The following NDUFAF6 variants were observed in gnomAD, a reference collection of about 807,000 sequenced individuals.
NDUFAF6 encodes the protein NADH:ubiquinone oxidoreductase complex assembly factor 6, also known as NADH dehydrogenase (ubiquinone) complex I, assembly factor 6.
Under a neutral mutation model 40.8 loss-of-function variants are expected in NDUFAF6, and 45 were observed. That is an observed-to-expected ratio of 1.10 (90% CI 0.87 to 1.42). NDUFAF6 has a LOEUF of 1.42. Ranked by LOEUF, NDUFAF6 falls within the 40% of genes most tolerant of loss-of-function variation. The pLI is 0.00. For missense variants in NDUFAF6, 435 were observed against 418.5 expected (o/e 1.04, Z -0.34); for synonymous variants, 185 against 155.9 (o/e 1.19, Z -1.39).
intron 4 of NDUFAF6, among the ~76,000 whole-genome samples, chr8:95,112,016 T>C (rs917637136): frequency 4.6e-5 from 7 of 152,108 alleles, no homozygotes; most frequent in Non-Finnish European, 1.0e-4. Flanking sequence ...TGATTCCTAC[T>C]GTTCTTAGAA....
rs140757368 is a variant in NDUFAF6, at chr8:95,028,141, G to A, written c.197+2936G>A. Among the ~76,000 whole-genome samples the A allele has an allele frequency of 4.7e-4, 71 of 152,304 alleles. 1 individual carries two copies. Among genetic ancestry groups the A allele is most frequent in the African/African-American group, 1.6e-3 (66 of 41,556 alleles). Reference sequence around the variant, plus strand: ...TAACACACAACAATCCTAATACCCCGTGTGCTTGTTTCTTATATGTCTGTC... The same window carrying A: ...TAACACACAACAATCCTAATACCCCATGTGCTTGTTTCTTATATGTCTGTC... On this transcript the variant is annotated intron_variant, in intron 1 of 8. Coordinates refer to ENST00000396124, the MANE Select transcript of NDUFAF6 (RefSeq NM_152416.4).
chr8:94,985,501 ATATATATATATATATTTTTTTTTTT>A (rs1825793898), intron 2 of NDUFAF6, among the ~76,000 whole-genome samples: 1 of 7,698 alleles, frequency 1.3e-4, no homozygotes, highest in Non-Finnish European at 2.4e-4. Context: ...ATATATATAT[ATATATATATATATATTTTTTTTTTT>A]TTTTTTTTTT....
intron 2 of NDUFAF6, among the ~76,000 whole-genome samples, chr8:94,992,420 G>A (rs749255222): frequency 6.6e-6 from 1 of 152,108 alleles, no homozygotes; most frequent in African/African-American, 2.4e-5. Context: ...CTGGGAGGTG[G>A]AGGTTTTAGT....
At chr8:95,035,414 A>G (rs1021752995) in intron 2 of NDUFAF6, 40 bp from the exon 3 acceptor site, 13 of 1,609,698 alleles carry the variant, frequency 8.1e-6, no homozygotes, top group Non-Finnish European at 1.1e-5. Flanking sequence ...TTTAGACAGT[A>G]GACAATGCAT....
At chr8:95,092,959 G>T (rs937987768) in intron 2 of NDUFAF6, among the ~76,000 whole-genome samples, 2 of 152,132 alleles carry the variant, frequency 1.3e-5, no homozygotes, top group African/African-American at 4.8e-5. Context: ...AAATAAAACC[G>T]GTTTCTCTAC....
At chr8:95,063,849 C>A (rs1309118557) in intron 9 of NDUFAF6, among the ~76,000 whole-genome samples, 2 of 150,748 alleles carry the variant, frequency 1.3e-5, no homozygotes, top group African/African-American at 4.9e-5. Context: ...AGCTATTTTG[C>A]TATGTCCTAT....
At chr8:94,979,810 A>G (rs1403540051) in intron 1 of NDUFAF6, among the ~76,000 whole-genome samples, 1 of 152,228 alleles carries the variant, frequency 6.6e-6, no homozygotes, top group Admixed American at 6.5e-5. Flanking sequence ...ACAGGCCGGA[A>G]TGGGCTGGGC....
At chr8:95,034,063 A>G (rs1829188331) in intron 2 of NDUFAF6, 2 of 457,702 alleles carry the variant, frequency 4.4e-6, no homozygotes, top group Non-Finnish European at 8.8e-6. Flanking sequence ...TGAACACTAA[A>G]CATTGCTAAG....
At chr8:95,080,087 G>A (rs1232296061), downstream of NDUFAF6, among the ~76,000 whole-genome samples, 2 of 86,382 alleles carry the variant, frequency 2.3e-5, 1 homozygote, top group East Asian at 1.1e-3. Context: ...ATTTTTTGTA[G>A]TGATTTTTTG....
chr8:94,987,097 G>C (rs1825950457), intron 2 of NDUFAF6, among the ~76,000 whole-genome samples: 1 of 152,068 alleles, frequency 6.6e-6, no homozygotes, highest in African/African-American at 2.4e-5. Context: ...GCATTCCTTT[G>C]TCCCCCAGAA....
At chr8:95,071,403 GAAAAAAAAAAAA>G (rs10583999) in intron 9 of NDUFAF6, among the ~76,000 whole-genome samples, 1 of 105,490 alleles carries the variant, frequency 9.5e-6, no homozygotes, top group African/African-American at 3.7e-5. Context: ...GTCTCCAAAA[GAAAAAAAAAAAA>G]AAAAAAAAGC....
chr8:95,079,927 G>C (rs1017615641), downstream of NDUFAF6, among the ~76,000 whole-genome samples: 2 of 144,034 alleles, frequency 1.4e-5, no homozygotes, highest in Non-Finnish European at 3.0e-5. Context: ...ATTTTTTGTA[G>C]TGATTTTTGG....
chr8:95,111,632 G>A (rs1457938047), intron 4 of NDUFAF6, among the ~76,000 whole-genome samples: 2 of 152,114 alleles, frequency 1.3e-5, no homozygotes, highest in African/African-American at 2.4e-5. Context: ...CATTCCTCCA[G>A]GCACACACAC....
intron 9 of NDUFAF6, among the ~76,000 whole-genome samples, chr8:95,064,457 C>A (rs1215056707): frequency 3.9e-5 from 6 of 151,960 alleles, no homozygotes; most frequent in Non-Finnish European, 7.4e-5. Context: ...AAAATAAACA[C>A]AAAAGTGTAA....
chr8:95,084,707 A>G (rs754430116), intron 2 of NDUFAF6, among the ~76,000 whole-genome samples: 1 of 152,236 alleles, frequency 6.6e-6, no homozygotes, highest in Non-Finnish European at 1.5e-5. Flanking sequence ...GGCAAATGCT[A>G]AATAAGATGG....
intron 2 of NDUFAF6, among the ~76,000 whole-genome samples, chr8:95,091,513 C>G (rs575759940): frequency 6.6e-6 from 1 of 152,066 alleles, no homozygotes; most frequent in African/African-American, 2.4e-5. Context: ...CTAACCATAT[C>G]ACCCGCCATG....
intron 2 of NDUFAF6, among the ~76,000 whole-genome samples, chr8:95,002,983 G>C (rs1011472731): frequency 1.3e-5 from 2 of 152,176 alleles, no homozygotes; most frequent in African/African-American, 4.8e-5. Flanking sequence ...ACAACTTCTG[G>C]CTTACATCAT....
chr8:95,015,087 G>C (rs1827384149), intron 2 of NDUFAF6, among the ~76,000 whole-genome samples: 1 of 152,184 alleles, frequency 6.6e-6, no homozygotes, highest in African/African-American at 2.4e-5. Context: ...CGGACCCACA[G>C]GTTGGACTGT....
downstream of NDUFAF6, among the ~76,000 whole-genome samples, chr8:95,106,154 G>A (rs1809836979): frequency 6.6e-6 from 1 of 151,796 alleles, no homozygotes; most frequent in African/African-American, 2.4e-5. Context: ...AGGCACCTGT[G>A]GTCCCAGCTA....
Sources: gnomAD v4.1 joint callset for allele counts (sites outside exome capture counted in the v4.1 genomes callset) on GRCh38, gnomAD v4.1.1 for gene constraint, MANE v1.5 for transcripts, NCBI Gene and HGNC (gene_info 2026-07-23, HGNC 2026-07-21) for gene names.